ARHGAP24: variants seen among roughly 807,000 people sequenced by gnomAD.
ARHGAP24 encodes Rho GTPase activating protein 24, also known as rho GTPase-activating protein 24.
A neutral mutation model predicts 76.4 loss-of-function variants in ARHGAP24; 50 were observed. The ratio of observed to expected loss-of-function variants is 0.65; its 90% CI spans 0.52 to 0.83. ARHGAP24 has a LOEUF of 0.83. Ranked by LOEUF, ARHGAP24 falls within the 40% of genes least tolerant of loss-of-function variation. The probability of loss-of-function intolerance (pLI) is 0.00; values close to 1 mark genes in which losing one functional copy is unlikely to be tolerated. For missense variants in ARHGAP24, 930 were observed against 914.2 expected (o/e 1.02, Z -0.22); for synonymous variants, 345 against 323.3 (o/e 1.07, Z -0.72).
chr4:85,794,066 T>G (rs568044676), intron 3 of ARHGAP24, among the ~76,000 whole-genome samples: 3 of 152,322 alleles, frequency 2.0e-5, no homozygotes, highest in Non-Finnish European at 2.9e-5. Context: ...ACAATCCAAA[T>G]ATATTAATAT....
At chr4:85,744,599 G>C (rs1188676223) in intron 3 of ARHGAP24, among the ~76,000 whole-genome samples, 9 of 152,124 alleles carry the variant, frequency 5.9e-5, no homozygotes, top group Admixed American at 5.9e-4. Context: ...AGGTTGAGCT[G>C]GGAAGCAGAT....
At chr4:85,734,636 A>ATTTTTTTTT (rs34647342) in intron 3 of ARHGAP24, among the ~76,000 whole-genome samples, 3 of 101,956 alleles carry the variant, frequency 2.9e-5, no homozygotes, top group Admixed American at 1.3e-4. Context: ...AATTCAGGGA[A>ATTTTTTTTT]TTTTTTTTTT....
intron 1 of ARHGAP24, among the ~76,000 whole-genome samples, chr4:85,544,481 G>A (rs1277660405): frequency 6.6e-6 from 1 of 152,088 alleles, no homozygotes; most frequent in Non-Finnish European, 1.5e-5. Context: ...AGGAACAAAA[G>A]GAAGGGAAAA....
At chr4:85,799,355 C>A (rs1840058) in intron 3 of ARHGAP24, among the ~76,000 whole-genome samples, 113,004 of 151,924 alleles carry the variant, frequency 0.74, 42,338 homozygotes, top group East Asian at 0.98. Flanking sequence ...TTGAAAGGGC[C>A]CACTAACCAA....
chr4:85,859,597 T>G (rs1167011448), intron 3 of ARHGAP24, among the ~76,000 whole-genome samples: 1 of 152,118 alleles, frequency 6.6e-6, no homozygotes, highest in African/African-American at 2.4e-5. Context: ...TAATGTGATA[T>G]TTAGGTCTGA....
intron 3 of ARHGAP24, among the ~76,000 whole-genome samples, chr4:85,808,262 C>T (rs1044047399): frequency 2.0e-4 from 31 of 152,168 alleles, no homozygotes; most frequent in South Asian, 8.3e-4. Context: ...ATTTTCAGAC[C>T]TTGGCATTCT....
chr4:85,947,544 C>A (rs1737356910), intron 5 of ARHGAP24, among the ~76,000 whole-genome samples: 1 of 152,122 alleles, frequency 6.6e-6, no homozygotes, highest in Non-Finnish European at 1.5e-5. Context: ...GGAACACAAG[C>A]ATTTAGACCA....
intron 1 of ARHGAP24, among the ~76,000 whole-genome samples, chr4:85,517,039 A>T (rs948471002): frequency 6.6e-6 from 1 of 152,066 alleles, no homozygotes; most frequent in African/African-American, 2.4e-5. Flanking sequence ...CTTTTCCTTC[A>T]GTGAGTTGAG....
intron 3 of ARHGAP24, among the ~76,000 whole-genome samples, chr4:85,803,144 T>G (rs1728646780): frequency 6.6e-6 from 1 of 152,218 alleles, no homozygotes; most frequent in South Asian, 2.1e-4. Context: ...CAACATGTAG[T>G]CCTTAACATT....
At chr4:85,836,983 G>A (rs896656) in intron 3 of ARHGAP24, among the ~76,000 whole-genome samples, 101,553 of 152,038 alleles carry the variant, frequency 0.67, 34,245 homozygotes, top group Non-Finnish European at 0.73. Context: ...AAAGGAGGGG[G>A]AAAAAGGACT....
At chr4:85,856,843 C>T (rs1731603991) in intron 3 of ARHGAP24, among the ~76,000 whole-genome samples, 1 of 152,128 alleles carries the variant, frequency 6.6e-6, no homozygotes, top group Non-Finnish European at 1.5e-5. Flanking sequence ...GTGGTAAGTT[C>T]TCCTAACATT....
intron 1 of ARHGAP24, among the ~76,000 whole-genome samples, chr4:85,560,648 G>A (rs55856982): frequency 0.019 from 2,915 of 152,192 alleles, 93 homozygotes; most frequent in African/African-American, 0.066. Context: ...CTTTATATTC[G>A]TGGCTGTTGT....
chr4:85,903,779 A>G, intron 3 of ARHGAP24, among the ~76,000 whole-genome samples: 1 of 152,184 alleles, frequency 6.6e-6, no homozygotes, highest in East Asian at 1.9e-4. Context: ...TGCACTGCAG[A>G]CATTAGTATA....
At position 85,530,502 on chromosome 4, in the gene ARHGAP24, C is replaced by T. The variant is rs529731352; in HGVS notation, c.-20-40020C>T. 1.1e-4 allele frequency among the ~76,000 whole-genome samples: 16 copies of T among 152,022 alleles called. No homozygotes were observed. In the East Asian group the frequency reaches 2.9e-3, roughly 28 times the overall value. Reference sequence around the variant, plus strand: ...TGCTCTCTACTGTATGTTTTTAATACCCTCATTTTTCAGGACAAAGGTATT... The same window carrying T: ...TGCTCTCTACTGTATGTTTTTAATATCCTCATTTTTCAGGACAAAGGTATT... On this transcript the variant is annotated intron_variant, in intron 1 of 9. Coordinates refer to ENST00000395184, the MANE Select transcript of ARHGAP24 (RefSeq NM_001025616.3).
At chr4:85,853,941 G>A (rs556466358) in intron 3 of ARHGAP24, among the ~76,000 whole-genome samples, 1 of 149,506 alleles carries the variant, frequency 6.7e-6, no homozygotes, top group Non-Finnish European at 1.5e-5. Flanking sequence ...CACAGAGCCA[G>A]AATCGGTCAA....
chr4:85,982,057 T>C (rs2148860724), intron 8 of ARHGAP24, among the ~76,000 whole-genome samples: 1 of 151,876 alleles, frequency 6.6e-6, no homozygotes, highest in East Asian at 1.9e-4. Context: ...TTTTGGGAGA[T>C]ACCCTGTCAG....
At position 85,508,921 on chromosome 4, in the gene ARHGAP24, C is replaced by T. The variant is rs1724166547; in HGVS notation, c.-21+33362C>T. ...CCCCTGTGACATTTCCTCCTCTCTC[C>T]CTGTGTGAGTCTTGCTTATCAGGTC... On this transcript the variant is annotated intron_variant, in intron 1 of 9. Coordinates refer to ENST00000395184, the MANE Select transcript of ARHGAP24 (RefSeq NM_001025616.3). 2.6e-5 allele frequency among the ~76,000 whole-genome samples: 4 copies of T among 152,150 alleles called. No individual in the cohort carries two copies. The South Asian group carries it at 8.3e-4, about 32-fold the overall frequency.
At chr4:85,965,692 C>A (rs566560036) in intron 5 of ARHGAP24, among the ~76,000 whole-genome samples, 7 of 152,228 alleles carry the variant, frequency 4.6e-5, no homozygotes, top group Non-Finnish European at 1.0e-4. Context: ...AAGCTTTAAC[C>A]CAGATCAATT....
chr4:85,973,585 G>A (rs1739118089), intron 6 of ARHGAP24, among the ~76,000 whole-genome samples: 1 of 152,114 alleles, frequency 6.6e-6, no homozygotes, highest in African/African-American at 2.4e-5. Context: ...TCATATCTAA[G>A]AAGACTTTGC....
Sources: gnomAD v4.1 joint callset for allele counts (sites outside exome capture counted in the v4.1 genomes callset) on GRCh38, gnomAD v4.1.1 for gene constraint, MANE v1.5 for transcripts, NCBI Gene and HGNC (gene_info 2026-07-23, HGNC 2026-07-21) for gene names.